Variants in SYNE1 observed in about 807,000 individuals in gnomAD.
SYNE1 encodes nesprin-1.
A neutral mutation model predicts 1,111.0 loss-of-function variants in SYNE1; 616 were observed. The ratio of observed to expected loss-of-function variants is 0.55; its 90% CI spans 0.52 to 0.59. The LOEUF (loss-of-function observed/expected upper bound fraction) is 0.59, where lower values mean the gene tolerates loss of function less well. SYNE1 is among the 20% of genes least tolerant of loss of function. The pLI is 0.00. For missense variants in SYNE1, 10,006 were observed against 10,417.0 expected (o/e 0.96, Z 1.72); for synonymous variants, 3,855 against 3,825.8 (o/e 1.01, Z -0.28).
intron 69 of SYNE1, 60 bp downstream of exon 69, chr6:152,353,203 A>C: frequency 6.3e-7 from 1 of 1,592,406 alleles, no homozygotes; most frequent in South Asian, 1.1e-5. Context: ...TCTATGCAGG[A>C]GAATGGGGCA....
chr6:152,287,327 T>C (rs367891678), intron 95 of SYNE1, among the ~76,000 whole-genome samples: 2 of 152,182 alleles, frequency 1.3e-5, no homozygotes, highest in East Asian at 3.8e-4. Context: ...CAAGTGTCTG[T>C]ATAAATGTGA....
At position 152,155,993 on chromosome 6, in the gene SYNE1, C is replaced by T; in HGVS notation, c.23895G>A (p.Glu7965=). 1 of 1,614,188 alleles carries T rather than the reference C, an allele frequency of 6.2e-7. No homozygotes were observed. The change falls in exon 132 of 146, where the codon GAG becomes GAA. Residue 7965 remains glutamate, a synonymous_variant. Transcript: ENST00000367255. Reference sequence around the variant, plus strand: ...TCGTAGCCTGCTGTATAGAGTCACACTCGGCATCAGTGGCACAGGCGTCAC... The same window carrying T: ...TCGTAGCCTGCTGTATAGAGTCACATTCGGCATCAGTGGCACAGGCGTCAC... ...HDCDACATDA[E]CDSIQQATRN... is the part of the protein sequence containing the mutation.
In SYNE1 at chr6:152,232,364, A is replaced by C. The variant is rs1176093651; in HGVS notation, c.20713-99T>G. 3 of 1,330,246 alleles carry C rather than the reference A, an allele frequency of 2.3e-6. No homozygotes were observed. In the African/African-American group the frequency reaches 4.3e-5, roughly 19 times the overall value. The allele number at this position is 1,330,246 out of a possible 1,614,324, so 82.4% of individuals were successfully genotyped here. A position where few individuals can be genotyped will look rare whatever the true frequency, so the allele number is the denominator to read the frequency against. On this transcript the variant is annotated intron_variant, in intron 112 of 145. Coordinates refer to ENST00000367255, the MANE Select transcript of SYNE1 (RefSeq NM_182961.4). ...TACAATAATTCTTAAAAATGTACCA[A>C]GAGAGATAACACTCCTTAATGACAT...
chr6:152,507,287 T>G (rs1282172389), intron 8 of SYNE1, among the ~76,000 whole-genome samples: 1 of 152,236 alleles, frequency 6.6e-6, no homozygotes, highest in Admixed American at 6.5e-5. Context: ...AATAATTAGC[T>G]AATAAATATT....
rs887057932 is a variant in SYNE1 at position 152,141,285 on chromosome 6, C to G, written c.25164G>C (p.Lys8388Asn). 2 of 1,614,208 alleles carry G rather than the reference C, an allele frequency of 1.2e-6. No individual in the cohort carries two copies. Among genetic ancestry groups the G allele is most frequent in the South Asian group, 1.1e-5 (1 of 91,078 alleles). ...CCTCCTTCAGTTTGTGCTCCAGTCT[C>G]TTCACGGAGTCTATACTGCTACTGC... ...GECSSSIDSV[K>N]RLEHKLKEEE... Residue 8388 changes from lysine to asparagine, a missense_variant, in exon 139 of 146, where the codon AAG becomes AAC. Physicochemically the swap from Lys to Asn is moderately conservative, Grantham distance 94. Coordinates refer to ENST00000367255, the MANE Select transcript of SYNE1 (RefSeq NM_182961.4).
chr6:152,494,257 G>T (rs893650988), intron 11 of SYNE1, among the ~76,000 whole-genome samples: 29 of 152,060 alleles, frequency 1.9e-4, no homozygotes, highest in African/African-American at 6.8e-4. Flanking sequence ...CTGCTCCCTA[G>T]CTCCTTCAAC....
chr6:152,239,424 G>T, intron 108 of SYNE1, 109 bp downstream of exon 108: 3 of 1,335,052 alleles, frequency 2.2e-6, no homozygotes, highest in Non-Finnish European at 3.2e-6. Flanking sequence ...AGCGCAGCTA[G>T]TTCTGAGGTT....
At chr6:152,288,236 AT>A (rs2094432529) in intron 95 of SYNE1, among the ~76,000 whole-genome samples, 1 of 151,736 alleles carries the variant, frequency 6.6e-6, no homozygotes, top group Non-Finnish European at 1.5e-5. Context: ...ACACATTTAC[AT>A]TTATAGTGCC....
chr6:152,629,746 C>T (rs1583746653), intron 2 of SYNE1, among the ~76,000 whole-genome samples: 2 of 151,868 alleles, frequency 1.3e-5, no homozygotes, highest in East Asian at 3.9e-4. Flanking sequence ...TCCGAAGAGG[C>T]CCACAGGGAG....
chr6:152,407,140 C>T lies in SYNE1; in HGVS notation c.6597G>A (p.Trp2199Ter), dbSNP rs760569619. 1 of 1,613,918 alleles carries T rather than the reference C, an allele frequency of 6.2e-7. No individual in the cohort carries two copies. The highest frequency in any genetic ancestry group is 1.7e-5 in the Admixed American group (1 of 60,014). ...CATCTCTAGTTGACAGTACATCATC[C>T]CAAATGGACAGGCTTACTCTCAGCC... ...MDRLRVSLSIWDDVLSTRDEI... is the reference protein window; with the variant it reads ...MDRLRVSLSI The change falls in exon 45 of 146, where the codon TGG becomes TGA. Residue 2199 changes from tryptophan (W) to a stop codon, truncating the protein, a stop_gained. Transcript: ENST00000367255. LOFTEE classifies it high-confidence loss of function.
At chr6:152,418,413 C>T (rs2098198720) in intron 40 of SYNE1, among the ~76,000 whole-genome samples, 1 of 152,178 alleles carries the variant, frequency 6.6e-6, no homozygotes, top group Non-Finnish European at 1.5e-5. Context: ...AGTTGCTTTT[C>T]CCTGCCACAG....
chr6:152,287,104 A>G (rs377550428), intron 95 of SYNE1, among the ~76,000 whole-genome samples: 1 of 152,236 alleles, frequency 6.6e-6, no homozygotes. Flanking sequence ...TAATTTTACT[A>G]AAGTATCCGT....
intron 8 of SYNE1, among the ~76,000 whole-genome samples, chr6:152,507,678 T>C (rs1484300320): frequency 6.6e-6 from 1 of 152,184 alleles, no homozygotes; most frequent in Non-Finnish European, 1.5e-5. Flanking sequence ...AAGCTGCTTT[T>C]AAATAACTAC....
intron 8 of SYNE1, among the ~76,000 whole-genome samples, chr6:152,508,654 C>G (rs2099070218): frequency 6.6e-6 from 1 of 152,202 alleles, no homozygotes; most frequent in African/African-American, 2.4e-5. Context: ...TGTGCAGTCA[C>G]CAGTCTTCTC....
chr6:152,359,474 G>A lies in SYNE1; in HGVS notation c.10300-16C>T. 1 of 1,614,058 alleles carries A rather than the reference G, an allele frequency of 6.2e-7. No individual in the cohort carries two copies. Among genetic ancestry groups the A allele is most frequent in the Non-Finnish European group, 8.5e-7 (1 of 1,179,988 alleles). On this transcript the variant is annotated splice_polypyrimidine_tract_variant and intron_variant, in intron 64 of 145. Coordinates refer to ENST00000367255, the MANE Select transcript of SYNE1 (RefSeq NM_182961.4). ...CATTTAATAACTAGAGAGCATTTAA[G>A]AAAAATAAAGTGGCCATTCATGCAC... is the stretch of plus-strand genomic sequence containing the variant.
intron 96 of SYNE1, 122 bp from the exon 97 acceptor site, chr6:152,282,102 A>T: frequency 1.9e-6 from 2 of 1,055,220 alleles, no homozygotes. Flanking sequence ...AACTTTTAAA[A>T]ATTTCCTTTG....
At chr6:152,178,013 G>A (rs2066915490) in intron 129 of SYNE1, among the ~76,000 whole-genome samples, 1 of 151,152 alleles carries the variant, frequency 6.6e-6, no homozygotes, top group East Asian at 1.9e-4. Context: ...CAAAAGAGAC[G>A]CCACAAAGAG....
chr6:152,442,172 C>T lies in SYNE1; in HGVS notation c.3911G>A (p.Gly1304Glu), dbSNP rs141164314. The change falls in exon 31 of 146, where the codon GGG (glycine) becomes GAG (glutamate). Residue 1304 changes from glycine (G) to glutamate (E), a missense_variant. Physicochemically the swap from Gly to Glu is moderately conservative, Grantham distance 98. Transcript: ENST00000367255. The part of the protein sequence containing the change: ...QQIAQAQQGE[G>E]GLPDRGHEEL... ...CTCGTGGCCTCGGTCAGGCAGCCCC[C>T]CTTCTCCCTGCTGCGCCTGCGCGAT... The T allele has an allele frequency of 8.1e-6, 13 of 1,613,822 alleles. No individual in the cohort carries two copies. Among genetic ancestry groups the T allele is most frequent in the South Asian group, 2.2e-5 (2 of 91,086 alleles).
rs186915617 is a variant in SYNE1 at position 152,627,746 on chromosome 6, C to A, written c.67+519G>T. Among the ~76,000 whole-genome samples the A allele has an allele frequency of 8.9e-4, 136 of 152,268 alleles. 1 individual carries two copies. Among genetic ancestry groups the A allele is most frequent in the African/African-American group, 3.0e-3 (123 of 41,572 alleles). On this transcript the variant is annotated intron_variant, in intron 3 of 145. Transcript: ENST00000367255. ...GGATGCAGGACTAGTCTGTACCCTG[C>A]CACGAACAATTCATCTTATCACATC...
Sources: allele counts gnomAD v4.1 joint callset (sites outside exome capture counted in the v4.1 genomes callset), GRCh38; gene constraint gnomAD v4.1.1; transcripts MANE v1.5; gene names NCBI Gene and HGNC (gene_info 2026-07-23, HGNC 2026-07-21).